LRIT1: variants seen among roughly 807,000 people sequenced by gnomAD.
LRIT1 encodes the protein leucine rich repeat, Ig-like and transmembrane domains 1.
LRIT1 carries 23 observed loss-of-function variants against 24.0 expected under a neutral mutation model. The ratio of observed to expected loss-of-function variants is 0.96; its 90% CI spans 0.69 to 1.36. The LOEUF (loss-of-function observed/expected upper bound fraction) is 1.36, where lower values mean the gene tolerates loss of function less well. Among genes scored for constraint, LRIT1 ranks in the 40% most tolerant of loss-of-function variants. The pLI is 0.00. For synonymous variants in LRIT1, 361 were observed against 340.5 expected (o/e 1.06, Z -0.66); for missense variants, 846 against 806.3 (o/e 1.05, Z -0.60).
intron 1 of LRIT1, 140 bp downstream of exon 1, chr10:84,241,178 A>G: frequency 7.9e-7 from 1 of 1,265,560 alleles, no homozygotes; most frequent in South Asian, 1.4e-5. Flanking sequence ...AGCACAGTCC[A>G]CCCCATAGGA....
In LRIT1 at chr10:84,232,082, T is replaced by C. The variant is rs748340026; in HGVS notation, c.1717A>G (p.Asn573Asp). The change falls in exon 4 of 4, where the codon AAC (asparagine) becomes GAC (aspartate). Residue 573 changes from asparagine (N) to aspartate (D), a missense_variant. Transcript: ENST00000372105. ...TCGCTGTAGCCCAGTCTCTCTAGGT[T>C]GACGTAGGTAACTGTGGCCTCAGTG... The part of the protein sequence containing the change: ...DSTEATVTYV[N>D]LERLGYSEDG... The C allele has an allele frequency of 1.9e-6, 3 of 1,614,136 alleles. No homozygotes were observed. Among genetic ancestry groups the C allele is most frequent in the East Asian group, 2.2e-5 (1 of 44,878 alleles).
At position 84,234,397 on chromosome 10, in the gene LRIT1, AGAC is replaced by A; in HGVS notation, c.590-22_590-20del. On this transcript the variant is annotated intron_variant, in intron 2 of 3. Transcript: ENST00000372105. ...TGTAGCCCTGCAGGAGTAAAAAAGA[AGAC>A]AAGATATTCAGATAGATACTCAACG... 6.6e-7 allele frequency: 1 copy of A among 1,506,958 alleles called. No individual in the cohort carries two copies. Among genetic ancestry groups the A allele is most frequent in the East Asian group, 2.3e-5 (1 of 43,094 alleles). 93.3% of individuals were successfully genotyped at this position (1,506,958 alleles called of 1,614,324 possible).
intron 2 of LRIT1, among the ~76,000 whole-genome samples, chr10:84,236,648 G>A (rs758085383): frequency 7.2e-5 from 11 of 152,196 alleles, no homozygotes; most frequent in South Asian, 6.2e-4. Context: ...CATATGAAAT[G>A]TATCTGAACA....
chr10:84,231,589 T>C lies in LRIT1; in HGVS notation c.*338A>G, dbSNP rs1354917127. ...GTGTGAAAATAAGTGTTCACTGCTA[T>C]ACATCACCAAGATTTTGCTTTCATT... On this transcript the variant is annotated 3_prime_UTR_variant, in exon 4 of 4. Coordinates refer to ENST00000372105, the MANE Select transcript of LRIT1 (RefSeq NM_015613.3). The C allele has an allele frequency of 3.1e-6, 1 of 320,330 alleles. No homozygotes were observed. The highest frequency in any genetic ancestry group is 5.9e-6 in the Non-Finnish European group (1 of 168,746). The allele number at this position is 320,330 out of a possible 1,614,324, so 19.8% of individuals were successfully genotyped here.
intron 1 of LRIT1, among the ~76,000 whole-genome samples, chr10:84,238,332 G>C (rs1554822802): frequency 6.6e-6 from 1 of 151,146 alleles, no homozygotes; most frequent in Non-Finnish European, 1.5e-5. Flanking sequence ...TCCAGCCTGG[G>C]TGACACAGCA....
chr10:84,234,181 T>C lies in LRIT1; in HGVS notation c.787A>G (p.Ile263Val), dbSNP rs749814952. 3 of 1,614,042 alleles carry C rather than the reference T, an allele frequency of 1.9e-6. No individual in the cohort carries two copies. The East Asian group carries it at 6.7e-5, about 36-fold the overall frequency. The stretch of plus-strand genomic sequence containing the variant: ...GCTGTGCCACCCAAAAGGGACCTGA[T>C]GCTGGCCACTCCTGGATGGAGCTCT... Reference protein sequence around the residue: ...GPELHPGVASIRSLLGGTALL... With the variant: ...GPELHPGVASVRSLLGGTALL... Residue 263 changes from isoleucine to valine, a missense_variant, in exon 3 of 4, where the codon ATC becomes GTC. By Grantham distance (29) the Ile-to-Val change is conservative. Coordinates refer to ENST00000372105, the MANE Select transcript of LRIT1 (RefSeq NM_015613.3).
At position 84,239,180 on chromosome 10, in the gene LRIT1, T is replaced by G. The variant is rs1842674489; in HGVS notation, c.123-1494A>C. Among the ~76,000 whole-genome samples, 3 of 152,258 alleles carry G rather than the reference T, an allele frequency of 2.0e-5. No individual in the cohort carries two copies. The South Asian group carries it at 6.2e-4, about 31-fold the overall frequency. Reference sequence around the variant, plus strand: ...AAATATACATGGAACTCTTACTAAGTGATGAGCAATTCAGAAGAGAATCAG... The same window carrying G: ...AAATATACATGGAACTCTTACTAAGGGATGAGCAATTCAGAAGAGAATCAG... On this transcript the variant is annotated intron_variant, in intron 1 of 3. Transcript: ENST00000372105.
rs971178617 is a variant in LRIT1 at position 84,231,662 on chromosome 10, C to G, written c.*265G>C. The stretch of plus-strand genomic sequence containing the variant: ...GATACAGGCAAGTTTCTTAACCCCC[C>G]ACCCCAGGGAAATGGAGAGAATAGT... On this transcript the variant is annotated 3_prime_UTR_variant, in exon 4 of 4. Coordinates refer to ENST00000372105, the MANE Select transcript of LRIT1 (RefSeq NM_015613.3). 2.1e-5 allele frequency: 10 copies of G among 474,458 alleles called. No individual in the cohort carries two copies. Among genetic ancestry groups the G allele is most frequent in the African/African-American group, 1.7e-4 (9 of 51,712 alleles). 29.4% of individuals were successfully genotyped at this position (474,458 alleles called of 1,614,324 possible). A position where few individuals can be genotyped will look rare whatever the true frequency, so the allele number is the denominator to read the frequency against.
In LRIT1 at chr10:84,241,403, G is replaced by A. The variant is rs1387763903; in HGVS notation, c.37C>T (p.Leu13Phe). Reference protein sequence around the residue: ...VALGMLWLLALAWPPQARGFC... With the variant: ...VALGMLWLLAFAWPPQARGFC... Reference sequence around the variant, plus strand: ...CCCCGGGCCTGGGGGGGCCACGCAAGGGCCAAGAGCCAGAGCATGCCTAAT... The same window carrying A: ...CCCCGGGCCTGGGGGGGCCACGCAAAGGCCAAGAGCCAGAGCATGCCTAAT... Residue 13 changes from leucine to phenylalanine, a missense_variant, in exon 1 of 4, where the codon CTT becomes TTT. Transcript: ENST00000372105. 5.0e-6 allele frequency: 8 copies of A among 1,608,942 alleles called. No homozygotes were observed. The highest frequency in any genetic ancestry group is 1.1e-5 in the South Asian group (1 of 90,506).
chr10:84,237,568 G>T lies in LRIT1; in HGVS notation c.241C>A (p.Pro81Thr). ...CACAGCTGCTCCAGGCGGCCCAGGG[G>T]CCTGAAGGCCTCGCCAGGAACCCTG... ...IRRVPGEAFRPLGRLEQLWLP... is the reference protein window; with the variant it reads ...IRRVPGEAFRTLGRLEQLWLP... Residue 81 changes from proline (P) to threonine (T), a missense_variant, in exon 2 of 4, where the codon CCC (proline) becomes ACC (threonine). Coordinates refer to ENST00000372105, the MANE Select transcript of LRIT1 (RefSeq NM_015613.3). The T allele has an allele frequency of 6.2e-7, 1 of 1,606,306 alleles. No homozygotes were observed.
Position 84,234,324 on chromosome 10 carries a change from A to G in LRIT1, c.644T>C (p.Leu215Pro). 6.2e-7 allele frequency: 1 copy of G among 1,603,270 alleles called. No individual in the cohort carries two copies. Among genetic ancestry groups the G allele is most frequent in the East Asian group, 2.2e-5 (1 of 44,696 alleles). The change falls in exon 3 of 4, where the codon CTT becomes CCT. Residue 215 changes from leucine to proline, a missense_variant. Physicochemically the swap from Leu to Pro is moderately conservative, Grantham distance 98. Transcript: ENST00000372105. ...CDCRLYDLVH[L>P]LDGWAPNLAF... ...CAAGTTTGGGGCCCAGCCATCCAAA[A>G]GATGAACCAGGTCATAGAGTCGGCA...
intron 3 of LRIT1, among the ~76,000 whole-genome samples, chr10:84,233,677 T>G (rs1030258299): frequency 2.0e-5 from 3 of 152,246 alleles, no homozygotes; most frequent in Non-Finnish European, 2.9e-5. Flanking sequence ...TAGACCCACA[T>G]GAAGAGCTCG....
At chr10:84,233,905 A>G (rs1002963894) in intron 3 of LRIT1, among the ~76,000 whole-genome samples, 168 bp downstream of exon 3, 1 of 152,248 alleles carries the variant, frequency 6.6e-6, no homozygotes, top group African/African-American at 2.4e-5. Flanking sequence ...CTGTTGTCAC[A>G]GTGATTTGCC....
chr10:84,234,309 G>A lies in LRIT1; in HGVS notation c.659C>T (p.Ala220Val). The A allele has an allele frequency of 6.2e-7, 1 of 1,607,434 alleles. No homozygotes were observed. The highest frequency in any genetic ancestry group is 1.7e-4 in the Middle Eastern group (1 of 6,020). The change falls in exon 3 of 4, where the codon GCC becomes GTC. Residue 220 changes from alanine (A) to valine (V), a missense_variant. By Grantham distance (64) the Ala-to-Val change is moderately conservative. Transcript: ENST00000372105. The part of the protein sequence containing the change: ...YDLVHLLDGW[A>V]PNLAFIETEL... ...AGTCTCAATGAAGGCCAAGTTTGGG[G>A]CCCAGCCATCCAAAAGATGAACCAG... is the stretch of plus-strand genomic sequence containing the variant.
chr10:84,241,291 G>T lies in LRIT1; in HGVS notation c.122+27C>A, dbSNP rs757093482. The T allele has an allele frequency of 3.7e-6, 6 of 1,613,534 alleles. No homozygotes were observed. In the Admixed American group the frequency reaches 1.0e-4, roughly 27 times the overall value. On this transcript the variant is annotated intron_variant, in intron 1 of 3. Transcript: ENST00000372105. Reference sequence around the variant, plus strand: ...CTGGCAAAGCAATGGAGGCTGGGCTGCCCGTCCCACGCACCCGGTACCATA... The same window carrying T: ...CTGGCAAAGCAATGGAGGCTGGGCTTCCCGTCCCACGCACCCGGTACCATA...
intron 3 of LRIT1, among the ~76,000 whole-genome samples, 172 bp from the exon 4 acceptor site, chr10:84,233,075 G>A (rs1842617390): frequency 6.6e-6 from 1 of 152,206 alleles, no homozygotes; most frequent in Non-Finnish European, 1.5e-5. Context: ...CATTACCTTG[G>A]ACTCAAATGT....
intron 2 of LRIT1, among the ~76,000 whole-genome samples, chr10:84,236,014 C>T (rs767897506): frequency 2.0e-5 from 3 of 151,216 alleles, no homozygotes; most frequent in Non-Finnish European, 4.4e-5. Flanking sequence ...AACGTATTGC[C>T]GGCCGGGTGC....
Position 84,231,885 on chromosome 10 carries a change from G to GAA in LRIT1, c.*41_*42insTT. On this transcript the variant is annotated 3_prime_UTR_variant, in exon 4 of 4. Transcript: ENST00000372105. ...TACTCAGGTGTCAGAGCTAAAGAAG[G>GAA]AGCGTGGGCAGGCAGGTGTGTGAGT... is the stretch of plus-strand genomic sequence containing the variant. The GAA allele has an allele frequency of 6.4e-7, 1 of 1,560,356 alleles. No homozygotes were observed. The highest frequency in any genetic ancestry group is 8.7e-7 in the Non-Finnish European group (1 of 1,154,280).
At position 84,237,566 on chromosome 10, in the gene LRIT1, G is replaced by A; in HGVS notation, c.243C>T (p.Pro81=). 1 of 1,606,322 alleles carries A rather than the reference G, an allele frequency of 6.2e-7. No homozygotes were observed. The highest frequency in any genetic ancestry group is 8.5e-7 in the Non-Finnish European group (1 of 1,179,778). ...GCCACAGCTGCTCCAGGCGGCCCAGGGGCCTGAAGGCCTCGCCAGGAACCC... is the reference window on the plus strand; with the variant it reads ...GCCACAGCTGCTCCAGGCGGCCCAGAGGCCTGAAGGCCTCGCCAGGAACCC... The part of the protein sequence containing the change: ...IRRVPGEAFR[P]LGRLEQLWLP... Residue 81 remains proline (P), a synonymous_variant, in exon 2 of 4, where the codon CCC becomes CCT. Coordinates refer to ENST00000372105, the MANE Select transcript of LRIT1 (RefSeq NM_015613.3).
Sources: allele counts gnomAD v4.1 joint callset (sites outside exome capture counted in the v4.1 genomes callset), GRCh38; gene constraint gnomAD v4.1.1; transcripts MANE v1.5; gene names NCBI Gene and HGNC (gene_info 2026-07-23, HGNC 2026-07-21).